The following STYXL1 variants were observed in gnomAD, a reference collection of about 807,000 sequenced individuals.
STYXL1 encodes serine/threonine/tyrosine-interacting-like protein 1.
Under a neutral mutation model 36.4 loss-of-function variants are expected in STYXL1, and 32 were observed. The observed-to-expected ratio is 0.88, with a 90% confidence interval of 0.66 to 1.18. The LOEUF is 1.18. STYXL1 is among the 50% of genes most tolerant of loss of function. STYXL1 has a pLI of 0.00. For missense variants in STYXL1, 354 were observed against 394.1 expected (o/e 0.90, Z 0.86); for synonymous variants, 133 against 144.1 (o/e 0.92, Z 0.55).
chr7:75,998,064 A>T (rs369987999), intron 8 of STYXL1, among the ~76,000 whole-genome samples: 1 of 152,276 alleles, frequency 6.6e-6, no homozygotes, highest in East Asian at 1.9e-4. Context: ...AATCCCAACA[A>T]CATTTTTTGT....
At chr7:76,031,996 T>C (rs923950709) in intron 1 of STYXL1, among the ~76,000 whole-genome samples, 2 of 152,080 alleles carry the variant, frequency 1.3e-5, no homozygotes, top group African/African-American at 2.4e-5. Flanking sequence ...GGGCCATGCA[T>C]AGTGACTCAT....
chr7:76,008,782 G>A (rs536471031), intron 5 of STYXL1, among the ~76,000 whole-genome samples: 6 of 152,232 alleles, frequency 3.9e-5, no homozygotes, highest in Non-Finnish European at 5.9e-5. Context: ...GAGGCAGGTG[G>A]ATCACCTGAG....
At chr7:76,023,546 C>CTA (rs1485910808) in intron 3 of STYXL1, among the ~76,000 whole-genome samples, 1 of 151,648 alleles carries the variant, frequency 6.6e-6, no homozygotes, top group Non-Finnish European at 1.5e-5. Flanking sequence ...ATATTTATAT[C>CTA]TATATATATA....
chr7:76,014,712 CAG>C (rs1444592707), intron 4 of STYXL1, among the ~76,000 whole-genome samples: 20 of 151,974 alleles, frequency 1.3e-4, no homozygotes, highest in African/African-American at 4.1e-4. Flanking sequence ...ACATATATCT[CAG>C]AGTTTACAGA....
chr7:76,013,807 C>T lies in STYXL1; in HGVS notation c.388G>A (p.Gly130Ser). ...TACGTGCCTGAGAAGCGCTCATAGC[C>T]CCCTTTCAGGATGTAGACGGGGTGG... Reference protein sequence around the residue: ...THHPVYILKGGYERFSGTYHF... With the variant: ...THHPVYILKGSYERFSGTYHF... The change falls in exon 5 of 9, where the codon GGC becomes AGC. Residue 130 changes from glycine to serine, a missense_variant. Transcript: ENST00000359697. 6.2e-7 allele frequency: 1 copy of T among 1,613,932 alleles called. No individual in the cohort carries two copies. The highest frequency in any genetic ancestry group is 1.3e-5 in the African/African-American group (1 of 74,980).
intron 1 of STYXL1, among the ~76,000 whole-genome samples, chr7:76,043,372 C>G (rs1169876379): frequency 6.6e-6 from 1 of 151,948 alleles, no homozygotes; most frequent in African/African-American, 2.4e-5. Context: ...AACTCCTGAC[C>G]TCAGGTGATC....
chr7:76,032,859 A>G (rs1182822951), intron 1 of STYXL1, among the ~76,000 whole-genome samples: 1 of 152,122 alleles, frequency 6.6e-6, no homozygotes, highest in African/African-American at 2.4e-5. Flanking sequence ...GGAGGGGGAG[A>G]GAGGACGAAA....
intron 4 of STYXL1, among the ~76,000 whole-genome samples, chr7:76,020,580 G>T (rs901993907): frequency 6.6e-6 from 1 of 152,170 alleles, no homozygotes; most frequent in Non-Finnish European, 1.5e-5. Flanking sequence ...TTGAATCCTG[G>T]CCCCACCACT....
At chr7:76,030,002 T>C (rs117062070) in intron 2 of STYXL1, among the ~76,000 whole-genome samples, 3 of 151,540 alleles carry the variant, frequency 2.0e-5, no homozygotes, top group Non-Finnish European at 4.4e-5. Context: ...CTTTTTTATT[T>C]TTTTTTTTCT....
intron 1 of STYXL1, among the ~76,000 whole-genome samples, chr7:76,038,912 G>A (rs112401671): frequency 5.4e-5 from 8 of 146,952 alleles, no homozygotes; most frequent in Non-Finnish European, 1.0e-4. Context: ...TCAGCCTTCC[G>A]AGTAGCTGGG....
At chr7:76,010,450 G>C (rs1212644294) in intron 5 of STYXL1, among the ~76,000 whole-genome samples, 1 of 152,110 alleles carries the variant, frequency 6.6e-6, no homozygotes, top group Non-Finnish European at 1.5e-5. Flanking sequence ...GCAGGGGACG[G>C]GTCATGGGCT....
intron 4 of STYXL1, among the ~76,000 whole-genome samples, chr7:76,019,467 T>A (rs565189550): frequency 6.6e-6 from 1 of 151,690 alleles, no homozygotes; most frequent in African/African-American, 2.4e-5. Flanking sequence ...TGGCTAAATT[T>A]TTTTTTTTGT....
At chr7:76,001,792 A>ATTTTTTTTT (rs71082373) in intron 7 of STYXL1, among the ~76,000 whole-genome samples, 1 of 96,950 alleles carries the variant, frequency 1.0e-5, no homozygotes, top group East Asian at 3.1e-4. Flanking sequence ...ACTGCGCCTG[A>ATTTTTTTTT]TTTTTTTTTT....
rs782747902 is a variant in STYXL1, at chr7:75,999,509, G to GTGTA, written c.810+1380_810+1381insTACA. Among the ~76,000 whole-genome samples, 45 of 102,156 alleles carry GTGTA rather than the reference G, an allele frequency of 4.4e-4. 2 individuals are homozygous for GTGTA. The highest frequency in any genetic ancestry group is 2.9e-3 in the East Asian group (11 of 3,776). 67.0% of individuals were successfully genotyped at this position (102,156 alleles called of 152,430 possible). On this transcript the variant is annotated intron_variant, in intron 8 of 8. Coordinates refer to ENST00000359697, the MANE Select transcript of STYXL1 (RefSeq NM_001317785.2). ...TTTTTTGTTGTGTGTGTGTGTGTGTGTATGTGTGTGTGTGTGTGTGTGTGT... is the reference window on the plus strand; with the variant it reads ...TTTTTTGTTGTGTGTGTGTGTGTGTGTGTATATGTGTGTGTGTGTGTGTGTGTGT...
chr7:76,016,435 A>G (rs535577161), intron 4 of STYXL1, among the ~76,000 whole-genome samples: 2 of 148,564 alleles, frequency 1.3e-5, no homozygotes, highest in African/African-American at 5.2e-5. Context: ...ATATATACAT[A>G]TATACGCATA....
At chr7:76,016,839 A>G (rs1386846768) in intron 4 of STYXL1, among the ~76,000 whole-genome samples, 1 of 152,114 alleles carries the variant, frequency 6.6e-6, no homozygotes, top group Non-Finnish European at 1.5e-5. Flanking sequence ...TTTGTCAAGG[A>G]ACCAAAAATA....
intron 1 of STYXL1, among the ~76,000 whole-genome samples, chr7:76,037,863 C>T (rs960766368): frequency 4.0e-5 from 6 of 150,014 alleles, no homozygotes; most frequent in Non-Finnish European, 7.5e-5. Flanking sequence ...CAATCCCCAC[C>T]GCTGTTCTGG....
chr7:76,031,404 G>C (rs368742195), intron 1 of STYXL1, among the ~76,000 whole-genome samples: 2 of 147,620 alleles, frequency 1.4e-5, no homozygotes, highest in African/African-American at 2.5e-5. Context: ...CCAAGGAAGT[G>C]ATCAGGAGGG....
chr7:76,019,636 G>A (rs1793809085), intron 4 of STYXL1, among the ~76,000 whole-genome samples: 1 of 151,952 alleles, frequency 6.6e-6, no homozygotes, highest in African/African-American at 2.4e-5. Flanking sequence ...TTTGTTCAGG[G>A]AGACAAAGAC....
Sources: gnomAD v4.1 joint callset for allele counts (sites outside exome capture counted in the v4.1 genomes callset) on GRCh38, gnomAD v4.1.1 for gene constraint, MANE v1.5 for transcripts, NCBI Gene and HGNC (gene_info 2026-07-23, HGNC 2026-07-21) for gene names.